MRPS28: variants seen among roughly 807,000 people sequenced by gnomAD.
MRPS28 encodes the protein small ribosomal subunit protein bS1m.
In MRPS28, 7 loss-of-function variants were observed where a neutral mutation model predicts 10.8. The ratio of observed to expected loss-of-function variants is 0.65; its 90% confidence interval spans 0.37 to 1.22. MRPS28 has a LOEUF of 1.22. MRPS28 is among the 50% of genes most tolerant of loss of function. The pLI, the probability that MRPS28 is intolerant of heterozygous loss-of-function variation, is 0.02. For synonymous variants in MRPS28, 121 were observed against 93.3 expected (o/e 1.30, Z -1.71); for missense variants, 265 against 232.9 (o/e 1.14, Z -0.90).
chr8:80,011,041 C>T (rs1214336523), intron 1 of MRPS28, among the ~76,000 whole-genome samples: 4 of 152,140 alleles, frequency 2.6e-5, no homozygotes, highest in South Asian at 4.1e-4. Context: ...TAAAACAAAT[C>T]CTACAGAGGT....
intron 2 of MRPS28, among the ~76,000 whole-genome samples, chr8:80,002,744 G>A (rs1189237866): frequency 6.6e-6 from 1 of 152,188 alleles, no homozygotes. Context: ...TAAGTTTATG[G>A]TGTGGAATGG....
In MRPS28 at chr8:80,003,004, A is replaced by G. The variant is rs1343987450; in HGVS notation, c.390T>C (p.Asp130=). 7.6e-6 allele frequency: 12 copies of G among 1,576,756 alleles called. 1 individual carries two copies. The highest frequency in any genetic ancestry group is 3.6e-5 in the South Asian group (3 of 83,728). The part of the protein sequence containing the change: ...FHCVCRRPEV[D]GEKYQKGTRV... Reference sequence around the variant, plus strand: ...TTGGAAATGATTTTACTTACTCTCCATCCACTTCTGGTCTTCTACATACAC... The same window carrying G: ...TTGGAAATGATTTTACTTACTCTCCGTCCACTTCTGGTCTTCTACATACAC... The change falls in exon 2 of 3, where the codon GAT becomes GAC. Residue 130 remains aspartate (D), a synonymous_variant. Transcript: ENST00000276585.
chr8:79,960,075 G>GT (rs993212069), intron 2 of MRPS28, among the ~76,000 whole-genome samples: 1 of 152,082 alleles, frequency 6.6e-6, no homozygotes, highest in African/African-American at 2.4e-5. Context: ...TTTCCTTGGG[G>GT]TTTAGGCTGG....
At position 79,980,138 on chromosome 8, in the gene MRPS28, T is replaced by C. The variant is rs566380918; in HGVS notation, c.395+22861A>G. On this transcript the variant is annotated intron_variant, in intron 2 of 2. Transcript: ENST00000276585. ...AAAGGTTCAATAATGCCAGCTGTTG[T>C]GATAATGATGACAACTTTAATTCTC... Among the ~76,000 whole-genome samples, 3 of 152,262 alleles carry C rather than the reference T, an allele frequency of 2.0e-5. No homozygotes were observed. The East Asian group carries it at 5.8e-4, about 29-fold the overall frequency.
chr8:79,989,687 G>A (rs1808301283), intron 2 of MRPS28, among the ~76,000 whole-genome samples: 1 of 152,182 alleles, frequency 6.6e-6, no homozygotes, highest in African/African-American at 2.4e-5. Flanking sequence ...TAACTGCAGT[G>A]ATGCTGTTGC....
At chr8:80,023,676 C>T (rs1240732541) in intron 1 of MRPS28, among the ~76,000 whole-genome samples, 1 of 151,814 alleles carries the variant, frequency 6.6e-6, no homozygotes, top group Non-Finnish European at 1.5e-5. Context: ...ACTGTGCAGC[C>T]CTAAAACTCT....
intron 2 of MRPS28, among the ~76,000 whole-genome samples, chr8:79,948,577 C>G (rs1278856244): frequency 2.6e-5 from 4 of 151,242 alleles, no homozygotes; most frequent in Non-Finnish European, 5.9e-5. Context: ...AAGGCTTTCA[C>G]AGCTGAGTTT....
chr8:79,979,760 T>G (rs951049943), intron 2 of MRPS28, among the ~76,000 whole-genome samples: 4 of 151,648 alleles, frequency 2.6e-5, no homozygotes, highest in African/African-American at 9.7e-5. Context: ...ATTCTCTTCC[T>G]CCCTTAAACA....
intron 2 of MRPS28, among the ~76,000 whole-genome samples, chr8:79,983,440 T>C (rs1412816287): frequency 2.0e-5 from 3 of 151,566 alleles, no homozygotes; most frequent in Admixed American, 6.6e-5. Context: ...CTTTGACGAG[T>C]TGAGAGAAGA....
At chr8:80,013,908 C>CTT (rs144794718) in intron 1 of MRPS28, among the ~76,000 whole-genome samples, 1 of 152,080 alleles carries the variant, frequency 6.6e-6, no homozygotes, top group East Asian at 1.9e-4. Flanking sequence ...TTATCTCTCT[C>CTT]CCTCCTGAAA....
At chr8:79,980,626 T>A (rs1309370033) in intron 2 of MRPS28, among the ~76,000 whole-genome samples, 2 of 152,230 alleles carry the variant, frequency 1.3e-5, no homozygotes, top group Non-Finnish European at 2.9e-5. Context: ...CCAAAGGAAC[T>A]AAGAACAGTA....
chr8:79,959,592 T>G (rs1040870384), intron 2 of MRPS28, among the ~76,000 whole-genome samples: 1 of 152,106 alleles, frequency 6.6e-6, no homozygotes, highest in Admixed American at 6.6e-5. Flanking sequence ...TAATTTTACA[T>G]AGAAAAACTT....
intron 1 of MRPS28, among the ~76,000 whole-genome samples, chr8:80,017,150 G>A (rs1809217228): frequency 6.6e-6 from 1 of 152,146 alleles, no homozygotes; most frequent in African/African-American, 2.4e-5. Context: ...TAGAAAGATA[G>A]CTCAAAAATC....
At chr8:79,963,892 A>C (rs949907244) in intron 2 of MRPS28, among the ~76,000 whole-genome samples, 5 of 152,106 alleles carry the variant, frequency 3.3e-5, no homozygotes, top group African/African-American at 1.2e-4. Context: ...ACTGAAAGTC[A>C]CTAGATGAAA....
intron 2 of MRPS28, among the ~76,000 whole-genome samples, chr8:79,933,231 G>A (rs952816217): frequency 6.6e-5 from 10 of 152,146 alleles, no homozygotes; most frequent in Admixed American, 6.5e-5. Context: ...ATCAAGGCTC[G>A]GGCCAATTCA....
At chr8:79,997,234 T>C (rs73257817) in intron 2 of MRPS28, among the ~76,000 whole-genome samples, 1 of 152,278 alleles carries the variant, frequency 6.6e-6, no homozygotes, top group African/African-American at 2.4e-5. Flanking sequence ...ATACAAGCCC[T>C]CTGACTCACA....
chr8:79,983,850 G>T (rs913521385), intron 2 of MRPS28, among the ~76,000 whole-genome samples: 49 of 152,318 alleles, frequency 3.2e-4, no homozygotes, highest in African/African-American at 1.1e-3. Flanking sequence ...AAAACACTCT[G>T]CAGGATATTA....
chr8:79,981,094 C>T (rs532227048), intron 2 of MRPS28, among the ~76,000 whole-genome samples: 7 of 152,204 alleles, frequency 4.6e-5, no homozygotes, highest in African/African-American at 1.7e-4. Flanking sequence ...TCTGGGAGGC[C>T]GAAGCTGGCA....
intron 2 of MRPS28, chr8:79,958,448 GA>G: frequency 3.1e-6 from 2 of 652,058 alleles, no homozygotes; most frequent in Non-Finnish European, 5.5e-6. Flanking sequence ...GAGTGAAGGA[GA>G]AAATGTTGAG....
Sources: gnomAD v4.1 joint callset for allele counts (sites outside exome capture counted in the v4.1 genomes callset) on GRCh38, gnomAD v4.1.1 for gene constraint, MANE v1.5 for transcripts, NCBI Gene and HGNC (gene_info 2026-07-23, HGNC 2026-07-21) for gene names.